CNTN4: variants seen among roughly 807,000 people sequenced by gnomAD.
CNTN4 encodes the protein contactin-4.
CNTN4 carries 77 observed loss-of-function variants against 122.5 expected under a neutral mutation model. The ratio of observed to expected loss-of-function variants is 0.63; its 90% CI spans 0.52 to 0.76. The LOEUF is 0.76. Ranked by LOEUF, CNTN4 falls within the 30% of genes least tolerant of loss-of-function variation. The pLI, the probability that CNTN4 is intolerant of heterozygous loss-of-function variation, is 0.00. For synonymous variants in CNTN4, 512 were observed against 447.0 expected (o/e 1.15, Z -1.83); for missense variants, 1,256 against 1,259.1 (o/e 1.00, Z 0.04).
At chr3:2,358,045 G>A (rs2044947006) in intron 3 of CNTN4, among the ~76,000 whole-genome samples, 1 of 152,188 alleles carries the variant, frequency 6.6e-6, no homozygotes, top group Non-Finnish European at 1.5e-5. Context: ...GAACACCTGT[G>A]TACCCCATGT....
At chr3:2,552,856 T>C (rs1305408033) in intron 3 of CNTN4, among the ~76,000 whole-genome samples, 1 of 152,180 alleles carries the variant, frequency 6.6e-6, no homozygotes, top group Non-Finnish European at 1.5e-5. Flanking sequence ...CAGTGAAATT[T>C]GACTGCAGAT....
intron 3 of CNTN4, among the ~76,000 whole-genome samples, chr3:2,484,177 C>T (rs1317883501): frequency 3.3e-5 from 5 of 151,994 alleles, no homozygotes; most frequent in African/African-American, 1.2e-4. Context: ...AAAAAATACA[C>T]AGACAGCAAA....
chr3:2,356,647 C>G (rs924972983), intron 3 of CNTN4, among the ~76,000 whole-genome samples: 1 of 152,156 alleles, frequency 6.6e-6, no homozygotes, highest in African/African-American at 2.4e-5. Flanking sequence ...CTATCTCATC[C>G]TGTGACTAAG....
At chr3:2,916,978 C>T (rs184755678) in intron 12 of CNTN4, among the ~76,000 whole-genome samples, 2 of 121,768 alleles carry the variant, frequency 1.6e-5, no homozygotes, top group Non-Finnish European at 3.5e-5. Context: ...TGCAGCGAGC[C>T]GAGATCACGC....
intron 2 of CNTN4, among the ~76,000 whole-genome samples, chr3:2,200,294 C>G (rs2038038327): frequency 6.6e-6 from 1 of 152,116 alleles, no homozygotes; most frequent in Non-Finnish European, 1.5e-5. Flanking sequence ...GGGGAGAAAT[C>G]AAAGTCTTAG....
chr3:2,265,379 G>A (rs1037940870), intron 2 of CNTN4, among the ~76,000 whole-genome samples: 1 of 151,976 alleles, frequency 6.6e-6, no homozygotes, highest in Non-Finnish European at 1.5e-5. Context: ...TAAGTACATG[G>A]ATTTATTTCT....
chr3:2,739,373 T>C (rs571441340), intron 5 of CNTN4, among the ~76,000 whole-genome samples: 13 of 152,040 alleles, frequency 8.6e-5, no homozygotes, highest in Non-Finnish European at 1.6e-4. Flanking sequence ...CCAGTGTATA[T>C]GATTATGTTC....
chr3:2,944,343 G>A (rs970204000), intron 13 of CNTN4, among the ~76,000 whole-genome samples: 1 of 152,000 alleles, frequency 6.6e-6, no homozygotes, highest in African/African-American at 2.4e-5. Context: ...ATAAATCTAA[G>A]TAGTAGAATT....
intron 4 of CNTN4, among the ~76,000 whole-genome samples, chr3:2,708,714 G>A (rs921337948): frequency 5.4e-5 from 8 of 147,084 alleles, no homozygotes; most frequent in East Asian, 1.9e-4. Context: ...ACGCAGGCAC[G>A]CGCACGCGCG....
chr3:2,582,604 A>C (rs1415511363), intron 4 of CNTN4, among the ~76,000 whole-genome samples: 1 of 152,114 alleles, frequency 6.6e-6, no homozygotes, highest in East Asian at 1.9e-4. Flanking sequence ...CTCTCATGTT[A>C]ATTCACCTGA....
intron 6 of CNTN4, among the ~76,000 whole-genome samples, chr3:2,809,749 G>A (rs1409367751): frequency 6.6e-6 from 1 of 152,186 alleles, no homozygotes; most frequent in Non-Finnish European, 1.5e-5. Context: ...ATTATTAACG[G>A]TGCCATATCT....
At chr3:2,765,465 G>T (rs2090812553) in intron 6 of CNTN4, among the ~76,000 whole-genome samples, 1 of 152,182 alleles carries the variant, frequency 6.6e-6, no homozygotes, top group Non-Finnish European at 1.5e-5. Flanking sequence ...GAAAACATAT[G>T]TGAAGTACCT....
At chr3:2,291,080 A>G (rs556824706) in intron 2 of CNTN4, among the ~76,000 whole-genome samples, 1 of 152,172 alleles carries the variant, frequency 6.6e-6, no homozygotes, top group South Asian at 2.1e-4. Context: ...GAATAACTGC[A>G]TCTGTCCATG....
At chr3:2,267,055 A>T (rs562813763) in intron 2 of CNTN4, among the ~76,000 whole-genome samples, 55 of 152,114 alleles carry the variant, frequency 3.6e-4, no homozygotes, top group Non-Finnish European at 5.7e-4. Context: ...AGATGGTGCC[A>T]GGGGAATTTT....
At chr3:3,045,031 G>A (rs983803659) in intron 23 of CNTN4, among the ~76,000 whole-genome samples, 2 of 152,220 alleles carry the variant, frequency 1.3e-5, no homozygotes, top group Admixed American at 6.5e-5. Flanking sequence ...ACAGAGCCTT[G>A]CTCGTTGCTA....
intron 4 of CNTN4, among the ~76,000 whole-genome samples, chr3:2,711,441 A>C (rs567246686): frequency 2.7e-4 from 41 of 152,268 alleles, no homozygotes; most frequent in African/African-American, 9.9e-4. Flanking sequence ...CACCAGCCAC[A>C]AATAGGTATT....
At chr3:2,764,993 T>C (rs1299045954) in intron 6 of CNTN4, among the ~76,000 whole-genome samples, 3 of 152,204 alleles carry the variant, frequency 2.0e-5, no homozygotes, top group Admixed American at 6.5e-5. Context: ...CACCACACTA[T>C]ACTGGCTTTC....
intron 3 of CNTN4, among the ~76,000 whole-genome samples, chr3:2,517,172 T>A (rs994776753): frequency 2.0e-5 from 3 of 152,166 alleles, no homozygotes; most frequent in African/African-American, 7.2e-5. Flanking sequence ...TGGATTTGAC[T>A]GTACTGGCTG....
chr3:2,770,406 T>C (rs777824820), intron 6 of CNTN4, among the ~76,000 whole-genome samples: 3 of 152,228 alleles, frequency 2.0e-5, no homozygotes, highest in Non-Finnish European at 4.4e-5. Context: ...AGTATTGCCT[T>C]TTGCACACAC....
Sources: allele counts gnomAD v4.1 joint callset (sites outside exome capture counted in the v4.1 genomes callset), GRCh38; gene constraint gnomAD v4.1.1; transcripts MANE v1.5; gene names NCBI Gene and HGNC (gene_info 2026-07-23, HGNC 2026-07-21).